ITPR1: variants seen among roughly 807,000 people sequenced by gnomAD.
ITPR1 encodes inositol 1,4,5-trisphosphate receptor type 1.
Under a neutral mutation model 318.4 loss-of-function variants are expected in ITPR1, and 96 were observed. The observed-to-expected ratio is 0.30, with a 90% CI of 0.26 to 0.36. The LOEUF (loss-of-function observed/expected upper bound fraction) is 0.36. Among genes scored for constraint, ITPR1 ranks in the 10% least tolerant of loss-of-function variants. The pLI, the probability that ITPR1 is intolerant of heterozygous loss-of-function variation, is 1.00. For missense variants in ITPR1, 2,440 were observed against 3,460.2 expected (o/e 0.71, Z 7.40); for synonymous variants, 1,312 against 1,289.9 (o/e 1.02, Z -0.37).
At chr3:4,807,900 G>A (rs2048690439) in intron 55 of ITPR1, among the ~76,000 whole-genome samples, 2 of 152,186 alleles carry the variant, frequency 1.3e-5, no homozygotes, top group South Asian at 4.1e-4. Flanking sequence ...GAGTTCAGTT[G>A]GTGGTCTCTC....
At chr3:4,782,392 T>C in intron 49 of ITPR1, 1 of 371,102 alleles carries the variant, frequency 2.7e-6, no homozygotes, top group East Asian at 4.1e-5. Flanking sequence ...TCTCTTGGTC[T>C]AAGTAGAGTG....
At chr3:4,694,710 A>T (rs2094531291) in intron 33 of ITPR1, among the ~76,000 whole-genome samples, 4 of 152,254 alleles carry the variant, frequency 2.6e-5, no homozygotes, top group Admixed American at 2.6e-4. Context: ...AACATGGAAA[A>T]GGTCCAGTAA....
intron 53 of ITPR1, among the ~76,000 whole-genome samples, chr3:4,797,389 A>G (rs2047968575): frequency 6.6e-6 from 1 of 152,154 alleles, no homozygotes; most frequent in African/African-American, 2.4e-5. Flanking sequence ...GATTTGTTGC[A>G]TCCTAAAGGC....
chr3:4,658,091 A>C, intron 12 of ITPR1, 33 bp from the exon 13 acceptor site: 2 of 1,578,392 alleles, frequency 1.3e-6, no homozygotes, highest in Non-Finnish European at 1.7e-6. Context: ...TTTGGCATGC[A>C]TGGTTCTTGA....
intron 54 of ITPR1, among the ~76,000 whole-genome samples, chr3:4,803,079 C>T (rs967037475): frequency 1.3e-5 from 2 of 152,232 alleles, no homozygotes; most frequent in Non-Finnish European, 1.5e-5. Flanking sequence ...CCTCAGGGAG[C>T]TTTCACTCAT....
intron 16 of ITPR1, 136 bp downstream of exon 16, chr3:4,663,342 G>T: frequency 1.5e-6 from 1 of 678,680 alleles, no homozygotes; most frequent in East Asian, 2.9e-5. Flanking sequence ...AATGGAGGTT[G>T]CAGTGAGCTG....
At chr3:4,837,534 T>G (rs937057063) in intron 61 of ITPR1, among the ~76,000 whole-genome samples, 12 of 152,130 alleles carry the variant, frequency 7.9e-5, no homozygotes, top group South Asian at 2.1e-4. Context: ...ACAGAAATAC[T>G]GCCTGCACCC....
At chr3:4,501,306 T>C (rs1283082809) in intron 2 of ITPR1, among the ~76,000 whole-genome samples, 3 of 152,236 alleles carry the variant, frequency 2.0e-5, no homozygotes, top group African/African-American at 7.2e-5. Context: ...TTCAATAGTT[T>C]TCTTACTCTG....
At chr3:4,754,049 G>C (rs977720830) in intron 44 of ITPR1, among the ~76,000 whole-genome samples, 1 of 70,080 alleles carries the variant, frequency 1.4e-5, no homozygotes, top group Non-Finnish European at 3.0e-5. Context: ...CACAGAAAAT[G>C]GGGGGGGGGT....
intron 54 of ITPR1, 131 bp downstream of exon 54, chr3:4,800,731 G>A (rs2048173602): frequency 6.4e-6 from 6 of 935,880 alleles, no homozygotes; most frequent in Non-Finnish European, 9.7e-6. Context: ...TGTTTAAATA[G>A]CCAGAAGCAG....
At chr3:4,780,918 A>T (rs1223860302) in intron 49 of ITPR1, among the ~76,000 whole-genome samples, 1 of 152,206 alleles carries the variant, frequency 6.6e-6, no homozygotes, top group African/African-American at 2.4e-5. Flanking sequence ...GGTGGCTGGC[A>T]CCGGCTCTTG....
At chr3:4,678,972 A>G (rs2094242553) in intron 24 of ITPR1, among the ~76,000 whole-genome samples, 1 of 152,208 alleles carries the variant, frequency 6.6e-6, no homozygotes. Context: ...AAAGTCTTCA[A>G]GCGGGAGCTT....
At chr3:4,798,848 T>C (rs138183820) in intron 53 of ITPR1, among the ~76,000 whole-genome samples, 7 of 152,340 alleles carry the variant, frequency 4.6e-5, no homozygotes, top group African/African-American at 1.7e-4. Flanking sequence ...CCTGATAGGA[T>C]TATTTTCCCA....
intron 2 of ITPR1, among the ~76,000 whole-genome samples, chr3:4,496,677 G>T (rs868599833): frequency 6.6e-6 from 1 of 152,118 alleles, no homozygotes; most frequent in East Asian, 1.9e-4. Flanking sequence ...TTGGTATTGC[G>T]GGGAGGGAGG....
chr3:4,839,327 C>CAA (rs111394522), intron 61 of ITPR1, among the ~76,000 whole-genome samples: 3 of 134,484 alleles, frequency 2.2e-5, no homozygotes, highest in South Asian at 2.3e-4. Context: ...AATTCCATCT[C>CAA]AAAAAAAAAA....
intron 44 of ITPR1, among the ~76,000 whole-genome samples, chr3:4,737,335 G>A (rs535437494): frequency 6.6e-6 from 1 of 152,168 alleles, no homozygotes; most frequent in Non-Finnish European, 1.5e-5. Flanking sequence ...AAGGAAGAAG[G>A]ACCAGCATCT....
intron 12 of ITPR1, among the ~76,000 whole-genome samples, chr3:4,655,286 G>T (rs1032350799): frequency 1.9e-4 from 29 of 152,162 alleles, no homozygotes; most frequent in African/African-American, 6.8e-4. Flanking sequence ...GATTAGGCAA[G>T]CTGTGGATCC....
At chr3:4,518,227 A>G (rs1360359644) in intron 3 of ITPR1, among the ~76,000 whole-genome samples, 2 of 151,876 alleles carry the variant, frequency 1.3e-5, no homozygotes, top group African/African-American at 4.8e-5. Flanking sequence ...CTCTATTCCC[A>G]TGTTTCCCCT....
At chr3:4,763,836 C>T (rs754206267) in intron 44 of ITPR1, among the ~76,000 whole-genome samples, 3 of 152,368 alleles carry the variant, frequency 2.0e-5, no homozygotes, top group Admixed American at 6.5e-5. Context: ...TCAGACAGCG[C>T]GGTCCGTGGC....
Sources: gnomAD v4.1 joint callset for allele counts (sites outside exome capture counted in the v4.1 genomes callset) on GRCh38, gnomAD v4.1.1 for gene constraint, MANE v1.5 for transcripts, NCBI Gene and HGNC (gene_info 2026-07-23, HGNC 2026-07-21) for gene names.